The following PSTPIP2 variants were observed in gnomAD, a reference collection of about 807,000 sequenced individuals.
PSTPIP2 encodes the protein proline-serine-threonine phosphatase interacting protein 2.
PSTPIP2 carries 33 observed loss-of-function variants against 63.3 expected under a neutral mutation model. The observed-to-expected ratio is 0.52, with a 90% CI of 0.40 to 0.70. The LOEUF (loss-of-function observed/expected upper bound fraction) is 0.70. Among genes scored for constraint, PSTPIP2 ranks in the 30% least tolerant of loss-of-function variants. PSTPIP2 has a pLI of 0.00. For synonymous variants in PSTPIP2, 125 were observed against 132.7 expected (o/e 0.94, Z 0.40); for missense variants, 312 against 400.7 (o/e 0.78, Z 1.89).
intron 2 of PSTPIP2, among the ~76,000 whole-genome samples, chr18:46,030,094 A>G (rs571039195): frequency 6.6e-6 from 1 of 152,170 alleles, no homozygotes; most frequent in South Asian, 2.1e-4. Context: ...AGCCTCCGTG[A>G]CAAGAACAAG....
At chr18:46,035,879 G>T (rs1340121616) in intron 2 of PSTPIP2, among the ~76,000 whole-genome samples, 1 of 152,112 alleles carries the variant, frequency 6.6e-6, no homozygotes. Context: ...GAAACCTCAT[G>T]CAGCCAACAT....
intron 1 of PSTPIP2, among the ~76,000 whole-genome samples, chr18:46,043,631 A>C (rs1224028971): frequency 6.6e-6 from 1 of 152,224 alleles, no homozygotes; most frequent in African/African-American, 2.4e-5. Flanking sequence ...ACTTCTATTC[A>C]ACACACTGAA....
At chr18:45,995,840 G>C (rs1258082030) in intron 9 of PSTPIP2, among the ~76,000 whole-genome samples, 2 of 152,138 alleles carry the variant, frequency 1.3e-5, no homozygotes, top group Non-Finnish European at 2.9e-5. Context: ...TTTTGAGATG[G>C]AGTCTAACTC....
intron 1 of PSTPIP2, among the ~76,000 whole-genome samples, chr18:46,062,606 C>T (rs887925433): frequency 7.9e-5 from 12 of 152,058 alleles, no homozygotes; most frequent in Non-Finnish European, 1.5e-4. Flanking sequence ...CTCACTGCAA[C>T]CTCTGCCTCC....
rs539574030 is a variant in PSTPIP2, at chr18:46,022,116, T to C, written c.212+2493A>G. On this transcript the variant is annotated intron_variant, in intron 3 of 14. Coordinates refer to ENST00000409746, the MANE Select transcript of PSTPIP2 (RefSeq NM_024430.4). ...ATTTTCATTTAAAACATCAAAAATA[T>C]ATAATTAGCCAATGAAAAATAAATC... 3.9e-5 allele frequency among the ~76,000 whole-genome samples: 6 copies of C among 152,334 alleles called. No homozygotes were observed. The South Asian group carries it at 1.2e-3, about 32-fold the overall frequency.
intron 9 of PSTPIP2, 141 bp from the exon 10 acceptor site, chr18:45,993,844 T>A (rs1206556476): frequency 4.4e-6 from 3 of 685,060 alleles, no homozygotes; most frequent in Non-Finnish European, 7.6e-6. Flanking sequence ...CCCCCACCAC[T>A]GAGGAAACTC....
At chr18:46,060,347 G>A (rs1246463984) in intron 1 of PSTPIP2, among the ~76,000 whole-genome samples, 1 of 152,116 alleles carries the variant, frequency 6.6e-6, no homozygotes, top group Non-Finnish European at 1.5e-5. Context: ...ACTAGTCTGT[G>A]GATATACTAA....
chr18:46,024,754 C>A, intron 2 of PSTPIP2, 68 bp from the exon 3 acceptor site: 1 of 1,338,628 alleles, frequency 7.5e-7, no homozygotes, highest in Non-Finnish European at 1.1e-6. Context: ...CACAATGACC[C>A]TCCCTTGGAA....
At chr18:46,062,478 TAAAAA>T (rs369109939) in intron 1 of PSTPIP2, among the ~76,000 whole-genome samples, 63,876 of 149,822 alleles carry the variant, frequency 0.43, 14,700 homozygotes, top group Middle Eastern at 0.56. Context: ...CCATCTCTAC[TAAAAA>T]GAAAAAGAAA....
At chr18:46,024,223 T>G (rs1907494522) in intron 3 of PSTPIP2, among the ~76,000 whole-genome samples, 1 of 152,016 alleles carries the variant, frequency 6.6e-6, no homozygotes, top group Non-Finnish European at 1.5e-5. Context: ...CTGCAACCTC[T>G]GCCTTCTGGG....
chr18:46,025,479 C>T (rs1326735394), intron 2 of PSTPIP2, among the ~76,000 whole-genome samples: 4 of 152,122 alleles, frequency 2.6e-5, no homozygotes, highest in Non-Finnish European at 5.9e-5. Context: ...TCTGCATTTA[C>T]ATGCCCATAT....
intron 1 of PSTPIP2, among the ~76,000 whole-genome samples, chr18:46,062,856 G>A (rs1402462542): frequency 6.6e-6 from 1 of 152,074 alleles, no homozygotes; most frequent in African/African-American, 2.4e-5. Flanking sequence ...AGGTCAGTCT[G>A]TTTCCCATTA....
In PSTPIP2 at chr18:45,991,945, T is replaced by G; in HGVS notation, c.877A>C (p.Asn293His). The G allele has an allele frequency of 6.2e-7, 1 of 1,613,804 alleles. No individual in the cohort carries two copies. The highest frequency in any genetic ancestry group is 8.5e-7 in the Non-Finnish European group (1 of 1,179,698). ...MYENFYSSQK[N>H]AVPAGKATGP... ...GTAGCCTTTCCTGCTGGGACTGCATTCTTCTGGGAGGAGTAGAAATTCTCA... is the reference window on the plus strand; with the variant it reads ...GTAGCCTTTCCTGCTGGGACTGCATGCTTCTGGGAGGAGTAGAAATTCTCA... The change falls in exon 12 of 15, where the codon AAT (asparagine) becomes CAT (histidine). Residue 293 changes from asparagine (N) to histidine (H), a missense_variant. Coordinates refer to ENST00000409746, the MANE Select transcript of PSTPIP2 (RefSeq NM_024430.4).
chr18:46,028,306 A>C, intron 2 of PSTPIP2: 1 of 463,518 alleles, frequency 2.2e-6, no homozygotes, highest in Non-Finnish European at 4.2e-6. Context: ...GCCCGGAACG[A>C]GGGCGGACTG....
At chr18:46,005,559 T>G (rs1056629533) in intron 5 of PSTPIP2, 28 bp from the exon 6 acceptor site, 2 of 1,476,008 alleles carry the variant, frequency 1.4e-6, no homozygotes, top group Non-Finnish European at 1.9e-6. Flanking sequence ...ACACTCTTAA[T>G]AAAAACACAA....
At position 45,985,369 on chromosome 18, in the gene PSTPIP2, T is replaced by C. The variant is rs1187338283; in HGVS notation, c.*90A>G. On this transcript the variant is annotated 3_prime_UTR_variant, in exon 15 of 15. Coordinates refer to ENST00000409746, the MANE Select transcript of PSTPIP2 (RefSeq NM_024430.4). ...GGGTTCACTTCAAAGTCTTCATTGC[T>C]GACATAACGTGGCTATAGGTCCTGC... 4 of 1,550,360 alleles carry C rather than the reference T, an allele frequency of 2.6e-6. No individual in the cohort carries two copies. The highest frequency in any genetic ancestry group is 3.5e-6 in the Non-Finnish European group (4 of 1,136,550).
At chr18:45,992,852 A>G (rs375353057) in intron 10 of PSTPIP2, among the ~76,000 whole-genome samples, 1 of 151,876 alleles carries the variant, frequency 6.6e-6, no homozygotes, top group Non-Finnish European at 1.5e-5. Flanking sequence ...CCTCCCAAGT[A>G]GCTGGGATTA....
At chr18:46,019,618 T>C (rs1291277936) in intron 3 of PSTPIP2, among the ~76,000 whole-genome samples, 1 of 152,084 alleles carries the variant, frequency 6.6e-6, no homozygotes, top group African/African-American at 2.4e-5. Context: ...CAGGCCAACA[T>C]GGTGTAACCC....
chr18:46,067,906 T>G (rs1214135496), intron 1 of PSTPIP2, among the ~76,000 whole-genome samples: 3 of 152,204 alleles, frequency 2.0e-5, no homozygotes, highest in African/African-American at 7.2e-5. Context: ...AGAGAGTATT[T>G]AAAAATTACA....
Sources: allele counts gnomAD v4.1 joint callset (sites outside exome capture counted in the v4.1 genomes callset), GRCh38; gene constraint gnomAD v4.1.1; transcripts MANE v1.5; gene names NCBI Gene and HGNC (gene_info 2026-07-23, HGNC 2026-07-21).